Variants in RBFOX1 observed in about 807,000 individuals in gnomAD.
The protein encoded by RBFOX1 is RNA binding protein fox-1 homolog 1.
In RBFOX1, 8 loss-of-function variants were observed where a neutral mutation model predicts 57.7. The observed-to-expected ratio is 0.14, with a 90% confidence interval of 0.08 to 0.25. RBFOX1 has a LOEUF of 0.25. RBFOX1 is among the 10% of genes least tolerant of loss of function. RBFOX1 has a pLI of 1.00. For missense variants in RBFOX1, 611 were observed against 548.5 expected, an observed-to-expected ratio of 1.11 and a Z score of -1.14; for synonymous variants, 326 against 222.4, an observed-to-expected ratio of 1.47 and a Z score of -4.15.
At chr16:7,177,111 A>G (rs2081827910) in intron 4 of RBFOX1, among the ~76,000 whole-genome samples, 1 of 152,334 alleles carries the variant, frequency 6.6e-6, no homozygotes, top group East Asian at 1.9e-4. Context: ...TCCATTTAGT[A>G]TTGTAGAACT....
chr16:7,492,912 G>C (rs956958995), intron 4 of RBFOX1, among the ~76,000 whole-genome samples: 3 of 151,948 alleles, frequency 2.0e-5, no homozygotes, highest in Non-Finnish European at 4.4e-5. Context: ...TCTTTTTTGA[G>C]ACGTCCCCCA....
intron 4 of RBFOX1, among the ~76,000 whole-genome samples, chr16:5,956,674 A>ATTTTTTTT (rs1479571823): frequency 0.024 from 2,096 of 88,976 alleles, 37 homozygotes; most frequent in African/African-American, 0.057. Context: ...ATATATATAT[A>ATTTTTTTT]TATATTTTTT....
intron 2 of RBFOX1, among the ~76,000 whole-genome samples, chr16:6,368,990 A>C (rs1415501466): frequency 6.6e-6 from 1 of 152,242 alleles, no homozygotes; most frequent in African/African-American, 2.4e-5. Flanking sequence ...TGTTATCCTC[A>C]CTTGTGTAAA....
chr16:7,461,822 C>G (rs968168537), intron 4 of RBFOX1, among the ~76,000 whole-genome samples: 2 of 6,226 alleles, frequency 3.2e-4, no homozygotes, highest in Non-Finnish European at 9.5e-4. Flanking sequence ...TATCTCTTAG[C>G]GACTTCTGGG....
intron 2 of RBFOX1, among the ~76,000 whole-genome samples, chr16:5,513,545 C>T (rs1280429163): frequency 1.3e-5 from 2 of 152,202 alleles, no homozygotes; most frequent in Non-Finnish European, 2.9e-5. Context: ...GAGCAGCTCA[C>T]ATTTGAAGAG....
intron 2 of RBFOX1, among the ~76,000 whole-genome samples, chr16:6,602,957 C>T (rs182994397): frequency 2.0e-4 from 30 of 152,192 alleles, no homozygotes; most frequent in African/African-American, 4.6e-4. Context: ...TGACTTGAGC[C>T]GGTGCTGTTA....
chr16:6,125,708 C>G (rs7189015), intron 1 of RBFOX1, among the ~76,000 whole-genome samples: 3 of 152,106 alleles, frequency 2.0e-5, no homozygotes, highest in Non-Finnish European at 4.4e-5. Context: ...ATTGATGGTT[C>G]TGGTTGATCA....
At position 5,620,739 on chromosome 16, in the gene RBFOX1, C is replaced by G. The variant is rs560643620; in HGVS notation, c.318+21778C>G. 2.0e-5 allele frequency among the ~76,000 whole-genome samples: 3 copies of G among 152,296 alleles called. No individual in the cohort carries two copies. In the South Asian group the frequency reaches 6.2e-4, roughly 32 times the overall value. ...TGTCTCCCAGGCCAGAGAGCAGTGG[C>G]AGGATCATGGCTTGCTGCAGCCTTG... is the stretch of plus-strand genomic sequence containing the variant. On this transcript the variant is annotated intron_variant, in intron 3 of 19. Transcript: ENST00000641259.
chr16:6,149,362 G>A (rs2096781756), intron 1 of RBFOX1, among the ~76,000 whole-genome samples: 2 of 152,230 alleles, frequency 1.3e-5, no homozygotes, highest in South Asian at 2.1e-4. Context: ...TATGTAACAT[G>A]AGGAACATTG....
intron 3 of RBFOX1, among the ~76,000 whole-genome samples, chr16:5,867,066 G>T (rs1453786176): frequency 6.6e-6 from 1 of 152,016 alleles, no homozygotes; most frequent in Non-Finnish European, 1.5e-5. Flanking sequence ...GTTATAATAT[G>T]TTGAAAATAC....
At chr16:6,190,045 T>G (rs1946128) in intron 1 of RBFOX1, among the ~76,000 whole-genome samples, 3,169 of 152,312 alleles carry the variant, frequency 0.021, 112 homozygotes, top group African/African-American at 0.072. Context: ...TGAAGTTATC[T>G]ATGTTTGTAT....
chr16:6,852,831 T>C (rs1409816087), intron 3 of RBFOX1, among the ~76,000 whole-genome samples: 1 of 151,668 alleles, frequency 6.6e-6, no homozygotes, highest in African/African-American at 2.4e-5. Flanking sequence ...GAAACTGCTT[T>C]CCAGGTGAGG....
chr16:5,923,716 T>A (rs1255735914), intron 4 of RBFOX1, among the ~76,000 whole-genome samples: 1 of 151,904 alleles, frequency 6.6e-6, no homozygotes, highest in Non-Finnish European at 1.5e-5. Flanking sequence ...AATTTTTGTG[T>A]TTTTAGTGGA....
chr16:6,603,261 G>C lies in RBFOX1; in HGVS notation c.-63-51342G>C, dbSNP rs546162807. On this transcript the variant is annotated intron_variant, in intron 2 of 15. Transcript: ENST00000550418. Reference sequence around the variant, plus strand: ...AACTCAGTCATCTAAAGGAGAGACTGACCCCGGGGAAAGGCAGCCCACATT... The same window carrying C: ...AACTCAGTCATCTAAAGGAGAGACTCACCCCGGGGAAAGGCAGCCCACATT... Among the ~76,000 whole-genome samples, 3 of 152,256 alleles carry C rather than the reference G, an allele frequency of 2.0e-5. No homozygotes were observed. The East Asian group carries it at 5.8e-4, about 29-fold the overall frequency.
intron 3 of RBFOX1, among the ~76,000 whole-genome samples, chr16:6,854,427 A>G (rs2057413860): frequency 6.6e-6 from 1 of 152,038 alleles, no homozygotes; most frequent in Admixed American, 6.5e-5. Flanking sequence ...TGATCTGGGA[A>G]GCTAAATTGA....
intron 3 of RBFOX1, among the ~76,000 whole-genome samples, chr16:5,739,480 G>A (rs1021031997): frequency 1.3e-5 from 2 of 152,164 alleles, no homozygotes; most frequent in Admixed American, 6.5e-5. Flanking sequence ...GGTAATGTTC[G>A]GGAGAAAAGA....
intron 3 of RBFOX1, among the ~76,000 whole-genome samples, chr16:5,693,169 C>T (rs1259665663): frequency 6.6e-6 from 1 of 152,026 alleles, no homozygotes; most frequent in African/African-American, 2.4e-5. Context: ...TGTTGCTTTC[C>T]CTTCCCTGAG....
intron 4 of RBFOX1, among the ~76,000 whole-genome samples, chr16:6,009,132 T>C (rs1426956631): frequency 6.6e-6 from 1 of 151,912 alleles, no homozygotes; most frequent in Non-Finnish European, 1.5e-5. Context: ...ATCTTGTCCA[T>C]TGTAAAAGAG....
chr16:6,861,851 T>C (rs529932962), intron 3 of RBFOX1, among the ~76,000 whole-genome samples: 5 of 149,188 alleles, frequency 3.4e-5, no homozygotes, highest in South Asian at 2.2e-4. Context: ...TTTTGGTTTT[T>C]TTTTTGGTCT....
Sources: allele counts gnomAD v4.1 joint callset (sites outside exome capture counted in the v4.1 genomes callset), GRCh38; gene constraint gnomAD v4.1.1; transcripts MANE v1.5; gene names NCBI Gene and HGNC (gene_info 2026-07-23, HGNC 2026-07-21).